HECW2: variants seen among roughly 807,000 people sequenced by gnomAD.
HECW2 encodes the protein HECT, C2 and WW domain containing E3 ubiquitin protein ligase 2.
HECW2 carries 61 observed loss-of-function variants against 175.2 expected under a neutral mutation model. The ratio of observed to expected loss-of-function variants is 0.35; its 90% CI spans 0.28 to 0.43. The LOEUF is 0.43. Ranked by LOEUF, HECW2 falls within the 20% of genes least tolerant of loss-of-function variation. The probability of loss-of-function intolerance (pLI) is 1.00; values close to 1 mark genes in which losing one functional copy is unlikely to be tolerated. For synonymous variants in HECW2, 671 were observed against 731.0 expected (o/e 0.92, Z 1.32); for missense variants, 1,524 against 2,000.5 (o/e 0.76, Z 4.54).
chr2:196,217,256 T>A (rs1687511253), intron 26 of HECW2, 163 bp from the exon 27 acceptor site: 2 of 450,810 alleles, frequency 4.4e-6, no homozygotes, highest in Admixed American at 4.1e-5. Flanking sequence ...TATGATCATA[T>A]GAATGTCAAA....
At chr2:196,488,387 G>A (rs1489849413) in intron 1 of HECW2, among the ~76,000 whole-genome samples, 1 of 152,102 alleles carries the variant, frequency 6.6e-6, no homozygotes, top group African/African-American at 2.4e-5. Flanking sequence ...TCAAAGCATA[G>A]ACACAAAACA....
At chr2:196,399,599 G>A (rs934641504) in intron 2 of HECW2, among the ~76,000 whole-genome samples, 1 of 152,148 alleles carries the variant, frequency 6.6e-6, no homozygotes, top group Admixed American at 6.5e-5. Context: ...AGTCCTACAG[G>A]AGTTATGATA....
At chr2:196,334,766 G>C (rs1052190892) in intron 3 of HECW2, among the ~76,000 whole-genome samples, 14 of 152,188 alleles carry the variant, frequency 9.2e-5, no homozygotes, top group Non-Finnish European at 1.9e-4. Flanking sequence ...AATAGAAATA[G>C]TGTAGCGATA....
intron 2 of HECW2, among the ~76,000 whole-genome samples, chr2:196,345,868 G>A (rs1202768810): frequency 6.6e-6 from 1 of 152,134 alleles, no homozygotes; most frequent in East Asian, 1.9e-4. Context: ...TTGGATGCTG[G>A]GAGAAGAACT....
intron 2 of HECW2, among the ~76,000 whole-genome samples, chr2:196,354,384 C>T (rs528637488): frequency 6.6e-6 from 1 of 152,320 alleles, no homozygotes; most frequent in South Asian, 2.1e-4. Flanking sequence ...CCAGACCCCA[C>T]ACTCACTTGC....
intron 2 of HECW2, among the ~76,000 whole-genome samples, chr2:196,368,988 G>A (rs1693832073): frequency 6.6e-6 from 1 of 152,104 alleles, no homozygotes; most frequent in Non-Finnish European, 1.5e-5. Context: ...GTCTTATTTA[G>A]TTCCTTTGGT....
chr2:196,222,552 A>G (rs1175005293), intron 23 of HECW2, among the ~76,000 whole-genome samples: 1 of 152,238 alleles, frequency 6.6e-6, no homozygotes, highest in Admixed American at 6.5e-5. Flanking sequence ...TCCTAAATAT[A>G]TAATATGCCA....
chr2:196,268,161 A>C (rs1575326858), intron 17 of HECW2, among the ~76,000 whole-genome samples: 1 of 152,234 alleles, frequency 6.6e-6, no homozygotes, highest in East Asian at 1.9e-4. Flanking sequence ...TATGATAAGC[A>C]AAATATTTAA....
chr2:196,550,341 A>G (rs754164434), intron 1 of HECW2, among the ~76,000 whole-genome samples: 1 of 151,690 alleles, frequency 6.6e-6, no homozygotes, highest in Admixed American at 6.6e-5. Flanking sequence ...CAGTGATGTG[A>G]CTCCTCTACG....
At chr2:196,289,156 C>T (rs16849064) in intron 14 of HECW2, 38,693 of 151,998 alleles carry the variant, frequency 0.25, 5,779 homozygotes, top group African/African-American at 0.41. Flanking sequence ...AGTGAAAACA[C>T]GAAAGGAAGA....
intron 1 of HECW2, among the ~76,000 whole-genome samples, chr2:196,587,100 T>C (rs1004106570): frequency 1.3e-5 from 2 of 152,232 alleles, no homozygotes; most frequent in African/African-American, 4.8e-5. Context: ...GCTACAAGGA[T>C]CCTTTAATGA....
intron 2 of HECW2, among the ~76,000 whole-genome samples, chr2:196,388,190 T>G (rs1694405093): frequency 6.6e-6 from 1 of 152,116 alleles, no homozygotes; most frequent in Non-Finnish European, 1.5e-5. Context: ...CTCAGCTGCC[T>G]GGGAGGCTGA....
chr2:196,483,897 A>G (rs1485629780), intron 1 of HECW2, among the ~76,000 whole-genome samples: 1 of 152,222 alleles, frequency 6.6e-6, no homozygotes, highest in Non-Finnish European at 1.5e-5. Context: ...TGAGGGGGAA[A>G]AAACATGACA....
At chr2:196,569,830 C>A (rs958163108) in intron 1 of HECW2, among the ~76,000 whole-genome samples, 2 of 152,210 alleles carry the variant, frequency 1.3e-5, no homozygotes, top group Non-Finnish European at 2.9e-5. Context: ...TATGTGAAGG[C>A]ACATGGAAAA....
chr2:196,245,321 A>G (rs2105892866), intron 19 of HECW2, among the ~76,000 whole-genome samples: 1 of 152,346 alleles, frequency 6.6e-6, no homozygotes, highest in Admixed American at 6.5e-5. Flanking sequence ...CCACTTTGCA[A>G]CTAAAGAAAA....
chr2:196,388,757 G>A (rs1694423247), intron 2 of HECW2, among the ~76,000 whole-genome samples: 1 of 152,158 alleles, frequency 6.6e-6, no homozygotes, highest in Non-Finnish European at 1.5e-5. Flanking sequence ...AACAAGATAA[G>A]AGGCAAATTT....
intron 1 of HECW2, among the ~76,000 whole-genome samples, chr2:196,523,925 G>A (rs556819018): frequency 6.6e-6 from 1 of 152,304 alleles, no homozygotes; most frequent in East Asian, 1.9e-4. Context: ...AAGGATATTG[G>A]TCTAAAATTG....
rs746086743 is a variant in HECW2 at position 196,278,138 on chromosome 2, A to C, written c.3135+390T>G. Among the ~76,000 whole-genome samples the C allele has an allele frequency of 7.3e-4, 81 of 110,268 alleles. 12 individuals are homozygous for C. The highest frequency in any genetic ancestry group is 1.1e-3 in the Admixed American group (11 of 9,690). 72.3% of individuals were successfully genotyped at this position (110,268 alleles called of 152,430 possible). ...AACTTAAAGTATAATTAAAAAATAT[A>C]TATATATATATATAAAGAAATTCCA... On this transcript the variant is annotated intron_variant, in intron 15 of 28. Coordinates refer to ENST00000644978, the MANE Select transcript of HECW2 (RefSeq NM_001348768.2).
At chr2:196,586,391 T>C (rs1559189743) in intron 1 of HECW2, 1 of 152,234 alleles carries the variant, frequency 6.6e-6, no homozygotes, top group Non-Finnish European at 1.5e-5. Flanking sequence ...GCTCCAAAGA[T>C]ATCTTACTCC....
Sources: gnomAD v4.1 joint callset for allele counts (sites outside exome capture counted in the v4.1 genomes callset) on GRCh38, gnomAD v4.1.1 for gene constraint, MANE v1.5 for transcripts, NCBI Gene and HGNC (gene_info 2026-07-23, HGNC 2026-07-21) for gene names.